Variants in ACSS3 observed in about 807,000 individuals in gnomAD.
The protein encoded by ACSS3 is acyl-CoA synthetase short chain family member 3.
A neutral mutation model predicts 84.2 loss-of-function variants in ACSS3; 64 were observed. The observed-to-expected ratio is 0.76, with a 90% CI of 0.62 to 0.94. The LOEUF is 0.94. Ranked by LOEUF, ACSS3 falls within the 40% of genes least tolerant of loss-of-function variation. The pLI, the probability that ACSS3 is intolerant of heterozygous loss-of-function variation, is 0.00. For missense variants in ACSS3, 815 were observed against 867.6 expected (o/e 0.94, Z 0.76); for synonymous variants, 317 against 310.1 (o/e 1.02, Z -0.23).
Position 81,252,796 on chromosome 12 carries a change from C to T in ACSS3, c.1720-511C>T, listed in dbSNP as rs2034193697. Among the ~76,000 whole-genome samples the T allele has an allele frequency of 2.0e-5, 3 of 152,240 alleles. No individual in the cohort carries two copies. The South Asian group carries it at 6.2e-4, about 32-fold the overall frequency. Reference sequence around the variant, plus strand: ...CAGCCTCTTGCAAGTCCTGGAAAATCATCTCTGGGTGGGTGGCCACTAGAG... The same window carrying T: ...CAGCCTCTTGCAAGTCCTGGAAAATTATCTCTGGGTGGGTGGCCACTAGAG... On this transcript the variant is annotated intron_variant, in intron 13 of 15. Transcript: ENST00000548058.
chr12:81,094,957 TCTC>T (rs1380505230), intron 1 of ACSS3, among the ~76,000 whole-genome samples: 2 of 152,098 alleles, frequency 1.3e-5, no homozygotes, highest in East Asian at 3.8e-4. Flanking sequence ...TTCTCTTTCT[TCTC>T]CTTCTCCTCA....
At chr12:81,163,105 T>A (rs1887235343) in intron 7 of ACSS3, among the ~76,000 whole-genome samples, 1 of 151,900 alleles carries the variant, frequency 6.6e-6, no homozygotes, top group Non-Finnish European at 1.5e-5. Flanking sequence ...GATGGGCCAC[T>A]GCTGCTGCCA....
At chr12:81,082,639 G>A (rs1050507585) in intron 1 of ACSS3, among the ~76,000 whole-genome samples, 2 of 152,192 alleles carry the variant, frequency 1.3e-5, no homozygotes, top group African/African-American at 4.8e-5. Flanking sequence ...GAGCCATATC[G>A]TGAATGGTCT....
intron 4 of ACSS3, 106 bp downstream of exon 4, chr12:81,139,371 C>A (rs1052554315): frequency 1.6e-6 from 2 of 1,236,240 alleles, no homozygotes; most frequent in Non-Finnish European, 2.3e-6. Flanking sequence ...ATTAAGTATA[C>A]TGCTGAATGT....
chr12:81,087,413 G>A (rs1881388028), intron 1 of ACSS3, among the ~76,000 whole-genome samples: 1 of 151,822 alleles, frequency 6.6e-6, no homozygotes, highest in African/African-American at 2.4e-5. Context: ...AAGAAGAGCA[G>A]GAGGAGGAGG....
intron 8 of ACSS3, among the ~76,000 whole-genome samples, chr12:81,188,363 C>T (rs1005772380): frequency 6.6e-6 from 1 of 151,902 alleles, no homozygotes; most frequent in African/African-American, 2.4e-5. Flanking sequence ...TATATTTTAA[C>T]TTTTATTGAG....
In ACSS3 at chr12:81,095,748, G is replaced by A. The variant is rs545096967; in HGVS notation, c.312-13812G>A. Among the ~76,000 whole-genome samples the A allele has an allele frequency of 1.3e-4, 20 of 152,250 alleles. No homozygotes were observed. In the South Asian group the frequency reaches 2.5e-3, roughly 19 times the overall value. On this transcript the variant is annotated intron_variant, in intron 1 of 15. Coordinates refer to ENST00000548058, the MANE Select transcript of ACSS3 (RefSeq NM_024560.4). ...TTAATCCGAGATGATCTGGCAAGGC[G>A]GAAGATGTCTATGTTGTCCTTTCAT...
chr12:81,241,394 C>A (rs1593234288), intron 13 of ACSS3, among the ~76,000 whole-genome samples: 3 of 152,132 alleles, frequency 2.0e-5, no homozygotes, highest in Admixed American at 2.0e-4. Context: ...AGTTCTAGAT[C>A]CCTGAGGAAT....
intron 2 of ACSS3, among the ~76,000 whole-genome samples, chr12:81,123,749 C>T (rs918158685): frequency 2.0e-5 from 3 of 152,116 alleles, no homozygotes; most frequent in African/African-American, 7.2e-5. Context: ...TGTTAATTTG[C>T]TTTGGATGAC....
intron 1 of ACSS3, among the ~76,000 whole-genome samples, chr12:81,098,695 G>T (rs1383397899): frequency 6.6e-6 from 1 of 152,170 alleles, no homozygotes; most frequent in Non-Finnish European, 1.5e-5. Context: ...TAATTTGTCT[G>T]CAGTCATTTA....
chr12:81,178,520 C>A (rs2135832586), intron 8 of ACSS3, among the ~76,000 whole-genome samples: 1 of 151,526 alleles, frequency 6.6e-6, no homozygotes, highest in African/African-American at 2.4e-5. Context: ...AGCTGAGAGC[C>A]AAATAAAAAA....
chr12:81,145,620 A>T (rs1886304594), intron 5 of ACSS3, among the ~76,000 whole-genome samples: 1 of 152,168 alleles, frequency 6.6e-6, no homozygotes, highest in Non-Finnish European at 1.5e-5. Flanking sequence ...AACAGGGAGG[A>T]ATCAGATTTG....
At chr12:81,225,224 C>CT (rs2033233797) in intron 11 of ACSS3, among the ~76,000 whole-genome samples, 1 of 151,236 alleles carries the variant, frequency 6.6e-6, no homozygotes, top group South Asian at 2.1e-4. Context: ...ATTATGAATC[C>CT]TTTTTTCTTC....
chr12:81,167,722 G>A (rs1181097462), intron 7 of ACSS3, among the ~76,000 whole-genome samples: 1 of 152,164 alleles, frequency 6.6e-6, no homozygotes, highest in Non-Finnish European at 1.5e-5. Context: ...TTCCAACACT[G>A]TTGCACTGGG....
At chr12:81,111,415 G>T (rs1883575907) in intron 2 of ACSS3, among the ~76,000 whole-genome samples, 2 of 152,152 alleles carry the variant, frequency 1.3e-5, no homozygotes, top group South Asian at 4.1e-4. Context: ...TACATCCAGG[G>T]GAGAGGCCAC....
At chr12:81,221,219 G>C (rs2033094703) in intron 11 of ACSS3, among the ~76,000 whole-genome samples, 1 of 152,056 alleles carries the variant, frequency 6.6e-6, no homozygotes, top group Non-Finnish European at 1.5e-5. Context: ...TTGAAAGAGA[G>C]ATTGCTTTAG....
intron 9 of ACSS3, among the ~76,000 whole-genome samples, chr12:81,201,382 C>T (rs2032101422): frequency 6.6e-6 from 1 of 152,196 alleles, no homozygotes; most frequent in South Asian, 2.1e-4. Flanking sequence ...TTCAAGGTGA[C>T]TGTGCCAAAA....
chr12:81,083,258 A>G (rs1037621797), intron 1 of ACSS3, among the ~76,000 whole-genome samples: 14 of 152,258 alleles, frequency 9.2e-5, no homozygotes, highest in African/African-American at 3.1e-4. Context: ...GCCTGCAGGT[A>G]GGCTTTGTTT....
intron 7 of ACSS3, among the ~76,000 whole-genome samples, chr12:81,162,585 C>A (rs1476515768): frequency 6.6e-6 from 1 of 152,164 alleles, no homozygotes; most frequent in Non-Finnish European, 1.5e-5. Flanking sequence ...GAACTGACAG[C>A]CCTGCTCTCA....
Sources: gnomAD v4.1 joint callset for allele counts (sites outside exome capture counted in the v4.1 genomes callset) on GRCh38, gnomAD v4.1.1 for gene constraint, MANE v1.5 for transcripts, NCBI Gene and HGNC (gene_info 2026-07-23, HGNC 2026-07-21) for gene names.